The following DOCK4 variants were observed in gnomAD, a reference collection of about 807,000 sequenced individuals.
The protein encoded by DOCK4 is dedicator of cytokinesis 4.
Under a neutral mutation model 268.1 loss-of-function variants are expected in DOCK4, and 97 were observed. The ratio of observed to expected loss-of-function variants is 0.36; its 90% CI spans 0.31 to 0.43. The LOEUF is 0.43. DOCK4 is among the 20% of genes least tolerant of loss of function. The pLI, the probability that DOCK4 is intolerant of heterozygous loss-of-function variation, is 1.00. For synonymous variants in DOCK4, 954 were observed against 887.2 expected (o/e 1.08, Z -1.34); for missense variants, 2,145 against 2,455.7 (o/e 0.87, Z 2.67).
At chr7:112,121,288 C>G (rs1812702284) in intron 1 of DOCK4, among the ~76,000 whole-genome samples, 1 of 152,192 alleles carries the variant, frequency 6.6e-6, no homozygotes, top group Non-Finnish European at 1.5e-5. Flanking sequence ...GATAAAGACT[C>G]TGATCTCCAA....
In DOCK4 at chr7:111,900,368, A is replaced by G. The variant is rs745993242; in HGVS notation, c.1480+6T>C. On this transcript the variant is annotated splice_donor_region_variant and intron_variant, in intron 15 of 52. Transcript: ENST00000428084. ...ACACAGGTAGCCAATGCCACCAAAC[A>G]CTTACTGGAACAATGCCGAAACTCG... The G allele has an allele frequency of 9.9e-6, 16 of 1,611,908 alleles. No individual in the cohort carries two copies. In the South Asian group the frequency reaches 1.7e-4, roughly 17 times the overall value.
intron 22 of DOCK4, among the ~76,000 whole-genome samples, chr7:111,864,016 A>C (rs1805769029): frequency 6.6e-6 from 1 of 152,226 alleles, no homozygotes; most frequent in Non-Finnish European, 1.5e-5. Flanking sequence ...ATTTAAGAAA[A>C]AACACAGGAC....
Position 111,782,854 on chromosome 7 carries a change from G to A in DOCK4, c.3585+10C>T. On this transcript the variant is annotated intron_variant, in intron 35 of 52. Transcript: ENST00000428084. ...GGAGAAAAGGAGAAAAAGGGGAATA[G>A]TTTACTAACCAGAAGGCTAACTGTG... 1 of 1,613,132 alleles carries A rather than the reference G, an allele frequency of 6.2e-7. No individual in the cohort carries two copies. Among genetic ancestry groups the A allele is most frequent in the South Asian group, 1.1e-5 (1 of 91,034 alleles).
intron 8 of DOCK4, among the ~76,000 whole-genome samples, chr7:111,951,083 T>A (rs1796012346): frequency 6.6e-6 from 1 of 152,148 alleles, no homozygotes; most frequent in African/African-American, 2.4e-5. Flanking sequence ...TTATAAATCA[T>A]GATACTATAA....
chr7:111,946,129 C>T (rs1795600837), intron 8 of DOCK4, among the ~76,000 whole-genome samples: 2 of 152,132 alleles, frequency 1.3e-5, no homozygotes, highest in Admixed American at 1.3e-4. Flanking sequence ...TATGACATAA[C>T]ATGTTTCATG....
chr7:111,896,002 C>T (rs1248837228), intron 15 of DOCK4, among the ~76,000 whole-genome samples: 1 of 152,138 alleles, frequency 6.6e-6, no homozygotes, highest in East Asian at 1.9e-4. Flanking sequence ...CTTCTTTTTA[C>T]CCCAAAGTCC....
At chr7:111,741,892 G>T in intron 45 of DOCK4, 121 bp downstream of exon 45, 1 of 1,371,408 alleles carries the variant, frequency 7.3e-7, no homozygotes, top group East Asian at 2.5e-5. Flanking sequence ...GGGCTCCCTG[G>T]TAAAACAGTG....
chr7:111,850,463 T>A (rs909715634), intron 23 of DOCK4, among the ~76,000 whole-genome samples: 2 of 152,028 alleles, frequency 1.3e-5, no homozygotes, highest in Admixed American at 6.5e-5. Context: ...CCTATCACCA[T>A]GACCCTCACC....
At chr7:111,764,389 T>A (rs1408573929) in intron 39 of DOCK4, among the ~76,000 whole-genome samples, 1 of 152,364 alleles carries the variant, frequency 6.6e-6, no homozygotes, top group South Asian at 2.1e-4. Context: ...ACTAAAGTTG[T>A]AACAATTGAT....
rs375246655 is a variant in DOCK4, at chr7:111,948,896, C to T, written c.702-3098G>A. ...GCGCCCAGCCAGTAGTTTTCTTTAA[C>T]GAAACATGCTTAGAAAAAAAAAAAA... is the stretch of plus-strand genomic sequence containing the variant. On this transcript the variant is annotated intron_variant, in intron 8 of 52. Coordinates refer to ENST00000428084, the MANE Select transcript of DOCK4 (RefSeq NM_001363540.2). Among the ~76,000 whole-genome samples, 32 of 148,034 alleles carry T rather than the reference C, an allele frequency of 2.2e-4. No homozygotes were observed. The East Asian group carries it at 2.6e-3, about 12-fold the overall frequency.
Position 111,730,839 on chromosome 7 carries a change from TGAGA to T in DOCK4, c.5481+1383_5481+1386del, listed in dbSNP as rs753251673. Among the ~76,000 whole-genome samples the T allele has an allele frequency of 1.8e-4, 27 of 152,342 alleles. No homozygotes were observed. The East Asian group carries it at 5.0e-3, about 28-fold the overall frequency. Reference sequence around the variant, plus strand: ...CCAGTAAAAATGTACACAGGTCTGCTGAGAGACAGTATATACCAGCTTGCTAAGA... The same window carrying T: ...CCAGTAAAAATGTACACAGGTCTGCTGACAGTATATACCAGCTTGCTAAGA... On this transcript the variant is annotated intron_variant, in intron 52 of 52. Transcript: ENST00000428084.
At chr7:111,767,905 G>C (rs2133658569) in intron 37 of DOCK4, among the ~76,000 whole-genome samples, 1 of 152,066 alleles carries the variant, frequency 6.6e-6, no homozygotes, top group East Asian at 1.9e-4. Flanking sequence ...TCTAGTATAG[G>C]TGTCAGCAAA....
intron 1 of DOCK4, among the ~76,000 whole-genome samples, chr7:112,175,934 AT>A (rs1188872980): frequency 6.6e-6 from 1 of 152,214 alleles, no homozygotes; most frequent in Non-Finnish European, 1.5e-5. Flanking sequence ...TGCCAAAAAA[AT>A]CTCAGGGTGA....
intron 13 of DOCK4, among the ~76,000 whole-genome samples, chr7:111,903,686 G>A (rs1165844014): frequency 1.3e-5 from 2 of 152,100 alleles, no homozygotes; most frequent in African/African-American, 2.4e-5. Flanking sequence ...AAATAGGTCT[G>A]GTACACACAA....
chr7:111,928,586 CTTTTTT>C (rs200976875), intron 12 of DOCK4, among the ~76,000 whole-genome samples: 11 of 129,502 alleles, frequency 8.5e-5, no homozygotes, highest in Non-Finnish European at 8.4e-5. Flanking sequence ...TTTTCTTTTT[CTTTTTT>C]TTTTTTTTTT....
chr7:111,841,693 A>G (rs1185801810), intron 25 of DOCK4, among the ~76,000 whole-genome samples: 1 of 152,188 alleles, frequency 6.6e-6, no homozygotes, highest in Admixed American at 6.5e-5. Flanking sequence ...AAGGGGTACC[A>G]CAGAGCTATG....
At chr7:112,112,107 A>G (rs1251185157) in intron 1 of DOCK4, among the ~76,000 whole-genome samples, 2 of 152,074 alleles carry the variant, frequency 1.3e-5, no homozygotes, top group African/African-American at 4.8e-5. Context: ...TGTCCCCTCC[A>G]AATCTCATGT....
intron 16 of DOCK4, among the ~76,000 whole-genome samples, chr7:111,884,823 T>C (rs1807701301): frequency 6.6e-6 from 1 of 152,026 alleles, no homozygotes; most frequent in Admixed American, 6.6e-5. Flanking sequence ...CGACAAGGGA[T>C]AGGGAAGAAA....
chr7:112,152,240 G>C (rs567334772), intron 1 of DOCK4, among the ~76,000 whole-genome samples: 4 of 152,286 alleles, frequency 2.6e-5, no homozygotes, highest in African/African-American at 7.2e-5. Flanking sequence ...ATGACAGAGA[G>C]TATTAGCATT....
Sources: allele counts gnomAD v4.1 joint callset (sites outside exome capture counted in the v4.1 genomes callset), GRCh38; gene constraint gnomAD v4.1.1; transcripts MANE v1.5; gene names NCBI Gene and HGNC (gene_info 2026-07-23, HGNC 2026-07-21).